Variants in GRIK5 observed in about 807,000 individuals in gnomAD.
The protein encoded by GRIK5 is glutamate ionotropic receptor kainate type subunit 5.
A neutral mutation model predicts 97.4 loss-of-function variants in GRIK5; 43 were observed. The observed-to-expected ratio is 0.44, with a 90% confidence interval of 0.35 to 0.57. The LOEUF is 0.57. GRIK5 is among the 20% of genes least tolerant of loss of function. GRIK5 has a pLI of 0.01. For missense variants in GRIK5, 1,015 were observed against 1,382.0 expected (o/e 0.73, Z 4.21); for synonymous variants, 580 against 583.5 (o/e 0.99, Z 0.09).
chr19:42,017,397 G>A (rs191927464), intron 15 of GRIK5, among the ~76,000 whole-genome samples: 61 of 152,226 alleles, frequency 4.0e-4, no homozygotes, highest in Middle Eastern at 3.4e-3. Flanking sequence ...CAATTATGGC[G>A]TTAAATTGAT....
intron 11 of GRIK5, among the ~76,000 whole-genome samples, chr19:42,044,308 A>G (rs1007904172): frequency 3.9e-5 from 6 of 152,350 alleles, no homozygotes; most frequent in African/African-American, 1.4e-4. Context: ...AAATGAACTA[A>G]TACAGCAACC....
chr19:42,058,138 A>C (rs1487005068), intron 6 of GRIK5, among the ~76,000 whole-genome samples: 1 of 152,094 alleles, frequency 6.6e-6, no homozygotes, highest in African/African-American at 2.4e-5. Context: ...TTCTGTTCAC[A>C]CTTCCTGCGG....
chr19:42,025,157 G>A lies in GRIK5; in HGVS notation c.1474-2803C>T, dbSNP rs113005725. Among the ~76,000 whole-genome samples, 344 of 152,196 alleles carry A rather than the reference G, an allele frequency of 2.3e-3. 5 individuals carry two copies. Among genetic ancestry groups the A allele is most frequent in the African/African-American group, 7.0e-3 (291 of 41,528 alleles). ...ACAATGAAACCTCACGCAGTCAGAC[G>A]CTTGCATGCACACAGCACTTACCCC... On this transcript the variant is annotated intron_variant, in intron 12 of 19. Coordinates refer to ENST00000593562, the MANE Select transcript of GRIK5 (RefSeq NM_002088.5).
rs1312651514 is a variant in GRIK5 at position 42,006,927 on chromosome 19, G to A, written c.1872-117C>T. 8.8e-5 allele frequency: 61 copies of A among 696,064 alleles called. 1 individual carries two copies. Among genetic ancestry groups the A allele is most frequent in the Non-Finnish European group, 1.0e-4 (44 of 424,900 alleles). 43.1% of individuals were successfully genotyped at this position (696,064 alleles called of 1,614,324 possible). A position where few individuals can be genotyped will look rare whatever the true frequency, so the allele number is the denominator to read the frequency against. ...GTGACCCCAGCATCTGGAAGACTCA[G>A]TGACTGCTGGGTGCAGAAGCGGGGA... On this transcript the variant is annotated intron_variant, in intron 15 of 19. Transcript: ENST00000593562. This position sits in a 1 kb window ranked among gnomAD's most constrained non-coding sequence, Gnocchi z 5.3.
intron 3 of GRIK5, among the ~76,000 whole-genome samples, 160 bp from the exon 4 acceptor site, chr19:42,063,015 A>G (rs2076281899): frequency 6.6e-6 from 1 of 152,124 alleles, no homozygotes; most frequent in Non-Finnish European, 1.5e-5. Flanking sequence ...CTCTGACCCC[A>G]CCCAACAAGT....
At chr19:42,061,731 C>A (rs2076262117) in intron 5 of GRIK5, among the ~76,000 whole-genome samples, 1 of 152,198 alleles carries the variant, frequency 6.6e-6, no homozygotes, top group Non-Finnish European at 1.5e-5. Context: ...ATTCCAACTG[C>A]CACCACCTGG....
chr19:42,021,056 A>G lies in GRIK5; in HGVS notation c.1871+245T>C, dbSNP rs1432015577. 6.6e-6 allele frequency among the ~76,000 whole-genome samples: 1 copy of G among 152,156 alleles called. No individual in the cohort carries two copies. The highest frequency in any genetic ancestry group is 6.6e-5 in the Admixed American group (1 of 15,266). On this transcript the variant is annotated intron_variant, in intron 15 of 19. Transcript: ENST00000593562. The surrounding 1 kb of genome is among the most constrained non-coding windows in gnomAD (Gnocchi z 4.2). ...ATCCTCACAACCCTGAGACATGGGC[A>G]TCTTTCTCCCCATCTTTCAGGGAGG...
Position 42,003,305 on chromosome 19 carries a change from G to GGCCCCCCCCC in GRIK5, c.2514+26_2514+27insGGGGGGGGGC. The stretch of plus-strand genomic sequence containing the variant: ...TCAGCCCCTGGGGGTCCCTGTTCCT[G>GGCCCCCCCCC]CCCACCCCCACCCCCAGCCTCCTCA... On this transcript the variant is annotated intron_variant, in intron 19 of 19. Transcript: ENST00000593562. This position sits in a 1 kb window ranked among gnomAD's most constrained non-coding sequence, Gnocchi z 4.2. 144 of 1,540,612 alleles carry GGCCCCCCCCC rather than the reference G, an allele frequency of 9.3e-5. No individual in the cohort carries two copies. The highest frequency in any genetic ancestry group is 1.1e-4 in the Non-Finnish European group (126 of 1,118,082).
intron 12 of GRIK5, among the ~76,000 whole-genome samples, chr19:42,027,175 G>A (rs936938873): frequency 2.6e-5 from 4 of 152,260 alleles, no homozygotes; most frequent in East Asian, 1.9e-4. Context: ...GGGATACGGC[G>A]GTGAATAGAA....
At position 41,999,302 on chromosome 19, in the gene GRIK5, G is replaced by T. The variant is rs938309523; in HGVS notation, c.2515-3C>A. The T allele has an allele frequency of 1.3e-6, 2 of 1,511,054 alleles. No homozygotes were observed. The highest frequency in any genetic ancestry group is 1.8e-6 in the Non-Finnish European group (2 of 1,136,656). 93.6% of individuals were successfully genotyped at this position (1,511,054 alleles called of 1,614,324 possible). On this transcript the variant is annotated splice_region_variant and splice_polypyrimidine_tract_variant and intron_variant, in intron 19 of 19. Coordinates refer to ENST00000593562, the MANE Select transcript of GRIK5 (RefSeq NM_002088.5). This position sits in a 1 kb window ranked among gnomAD's most constrained non-coding sequence, Gnocchi z 5.0. ...AGCATCTCCTGGCACACCGACACCT[G>T]GGGGTGGCGCGGGCGGTCACCGTCC...
In GRIK5 at chr19:42,021,165, C is replaced by A; in HGVS notation, c.1871+136G>T. 1.4e-6 allele frequency: 1 copy of A among 722,900 alleles called. No homozygotes were observed. The highest frequency in any genetic ancestry group is 2.2e-6 in the Non-Finnish European group (1 of 448,838). 44.8% of individuals were successfully genotyped at this position (722,900 alleles called of 1,614,324 possible). ...GAGCTGGAGCTCAGCTCTCCCCACC[C>A]CATTCCTCGTCACACAGCTCTGCAA... is the stretch of plus-strand genomic sequence containing the variant. On this transcript the variant is annotated intron_variant, in intron 15 of 19. Transcript: ENST00000593562. The surrounding 1 kb of genome is among the most constrained non-coding windows in gnomAD (Gnocchi z 4.2).
Position 42,003,420 on chromosome 19 carries a change from A to G in GRIK5, c.2426T>C (p.Ile809Thr). 6.2e-7 allele frequency: 1 copy of G among 1,613,894 alleles called. No individual in the cohort carries two copies. Among genetic ancestry groups the G allele is most frequent in the Non-Finnish European group, 8.5e-7 (1 of 1,179,906 alleles). The stretch of plus-strand genomic sequence containing the variant: ...AATGATGAGGCCACAGATGAGCACG[A>G]TAAAAATGCCACCAATGTTCTCCAT... ...LGMENIGGIF[I>T]VLICGLIIAV... The change falls in exon 19 of 20, where the codon ATC becomes ACC. Residue 809 changes from isoleucine (I) to threonine (T), a missense_variant. Physicochemically the swap from Ile to Thr is moderately conservative, Grantham distance 89. Around this residue, in one of 5 missense-constraint regions of GRIK5, gnomAD observed 229 missense variants for 341.0 expected, o/e 0.67. Coordinates refer to ENST00000593562, the MANE Select transcript of GRIK5 (RefSeq NM_002088.5). This position sits in a 1 kb window ranked among gnomAD's most constrained non-coding sequence, Gnocchi z 4.2.
intron 17 of GRIK5, among the ~76,000 whole-genome samples, chr19:42,005,249 A>AAC (rs1555872105): frequency 6.6e-6 from 1 of 151,126 alleles, no homozygotes; most frequent in Non-Finnish European, 1.5e-5. Flanking sequence ...AAAAAAAAAA[A>AAC]AAAAAAAACA....
At chr19:42,019,859 G>GAT (rs1386333347) in intron 15 of GRIK5, among the ~76,000 whole-genome samples, 1 of 152,196 alleles carries the variant, frequency 6.6e-6, no homozygotes, top group Non-Finnish European at 1.5e-5. Context: ...ACGCCATTGA[G>GAT]ATCTATTTCA....
chr19:42,022,408 G>C lies in GRIK5; in HGVS notation c.1474-54C>G. The C allele has an allele frequency of 1.3e-6, 2 of 1,552,536 alleles. No homozygotes were observed. The highest frequency in any genetic ancestry group is 1.8e-6 in the Non-Finnish European group (2 of 1,134,000). ...GAGGGGGACAGAGGGGAAGACAGAA[G>C]TGGACAGTTAGAGAGAAATGCACGG... On this transcript the variant is annotated intron_variant, in intron 12 of 19. Transcript: ENST00000593562. This position sits in a 1 kb window ranked among gnomAD's most constrained non-coding sequence, Gnocchi z 4.2.
rs776006391 is a variant in GRIK5, at chr19:42,022,245, T to G, written c.1583A>C (p.His528Pro). 1.2e-6 allele frequency: 2 copies of G among 1,606,608 alleles called. No individual in the cohort carries two copies. The highest frequency in any genetic ancestry group is 2.2e-5 in the East Asian group (1 of 44,818). Residue 528 changes from histidine (H) to proline (P), a missense_variant, in exon 13 of 20, where the codon CAC becomes CCC. This residue lies in a region of GRIK5 where 477 missense variants were observed against 701.1 expected (regional missense o/e 0.68). Transcript: ENST00000593562. This position sits in a 1 kb window ranked among gnomAD's most constrained non-coding sequence, Gnocchi z 4.2. The part of the protein sequence containing the change: ...TLGISILYRV[H>P]MGRKPGYFSF... ...TGGTCTCCAGGGGAACCATACCATGTGCACTCGGTAGAGGATGCTGATCCC... is the reference window on the plus strand; with the variant it reads ...TGGTCTCCAGGGGAACCATACCATGGGCACTCGGTAGAGGATGCTGATCCC...
At chr19:42,068,955 G>T (rs1304766651) in intron 1 of GRIK5, 5 of 613,748 alleles carry the variant, frequency 8.1e-6, no homozygotes, top group Non-Finnish European at 1.5e-5. Context: ...CATGCCAGGG[G>T]CCCGGGGTAA....
chr19:42,017,658 T>C (rs1218738578), intron 15 of GRIK5, among the ~76,000 whole-genome samples: 1 of 151,860 alleles, frequency 6.6e-6, no homozygotes, highest in East Asian at 1.9e-4. Flanking sequence ...AGAAGAGAGT[T>C]TCTAGAAGGG....
At chr19:42,057,388 T>TA (rs1282141639) in intron 6 of GRIK5, among the ~76,000 whole-genome samples, 1 of 151,666 alleles carries the variant, frequency 6.6e-6, no homozygotes, top group East Asian at 1.9e-4. Flanking sequence ...TTTTTTTTTT[T>TA]AAAGACAAGA....
Sources: allele counts gnomAD v4.1 joint callset (sites outside exome capture counted in the v4.1 genomes callset), GRCh38; gene constraint gnomAD v4.1.1; regional missense constraint gnomAD v4.1.1; non-coding constraint Gnocchi (gnomAD v3.1); transcripts MANE v1.5; gene names NCBI Gene and HGNC (gene_info 2026-07-23, HGNC 2026-07-21).